The following ZNF236 variants were observed in gnomAD, a reference collection of about 807,000 sequenced individuals.
The protein encoded by ZNF236 is regulated by glucose.
In ZNF236, 50 loss-of-function variants were observed where a neutral mutation model predicts 191.2. That is an observed-to-expected ratio of 0.26 (90% CI 0.21 to 0.33). The LOEUF is 0.33. ZNF236 is among the 10% of genes least tolerant of loss of function. The pLI is 1.00. For synonymous variants in ZNF236, 907 were observed against 928.8 expected (o/e 0.98, Z 0.43); for missense variants, 1,754 against 2,374.5 (o/e 0.74, Z 5.43).
chr18:76,923,309 G>A, intron 21 of ZNF236, 135 bp downstream of exon 21: 1 of 557,874 alleles, frequency 1.8e-6, no homozygotes, highest in African/African-American at 1.9e-5. Context: ...AGAAGGAAGT[G>A]ATATAAAAGA....
chr18:76,948,839 G>T (rs9965457), intron 27 of ZNF236, among the ~76,000 whole-genome samples: 4,748 of 152,304 alleles, frequency 0.031, 241 homozygotes, highest in African/African-American at 0.11. Context: ...AACGGATGCA[G>T]TGGTCCAGGT....
At chr18:76,837,986 A>G (rs1975384333) in intron 1 of ZNF236, among the ~76,000 whole-genome samples, 1 of 152,244 alleles carries the variant, frequency 6.6e-6, no homozygotes, top group South Asian at 2.1e-4. Context: ...TGTATCACTT[A>G]ACGTCACCTC....
chr18:76,913,294 T>C (rs1179515973), intron 17 of ZNF236, among the ~76,000 whole-genome samples: 1 of 152,240 alleles, frequency 6.6e-6, no homozygotes, highest in East Asian at 1.9e-4. Flanking sequence ...CTGTTTTGTA[T>C]TTTGTAAACC....
chr18:76,915,922 C>A, intron 19 of ZNF236, 63 bp downstream of exon 19: 1 of 1,486,264 alleles, frequency 6.7e-7, no homozygotes, highest in Non-Finnish European at 9.3e-7. Flanking sequence ...TAAATCCATT[C>A]ACAAATCACC....
intron 3 of ZNF236, among the ~76,000 whole-genome samples, chr18:76,860,740 C>T (rs1407083643): frequency 3.3e-5 from 5 of 152,330 alleles, no homozygotes; most frequent in East Asian, 1.9e-4. Context: ...CACATTCCTT[C>T]GCTTCTGACT....
At chr18:76,883,482 G>A (rs1683156172) in intron 9 of ZNF236, among the ~76,000 whole-genome samples, 1 of 151,054 alleles carries the variant, frequency 6.6e-6, no homozygotes, top group South Asian at 2.1e-4. Flanking sequence ...AGAGTACAGT[G>A]GTGCAATTAT....
intron 1 of ZNF236, among the ~76,000 whole-genome samples, chr18:76,829,157 C>T (rs567973462): frequency 1.2e-4 from 18 of 152,204 alleles, no homozygotes; most frequent in African/African-American, 4.3e-4. Context: ...ATATTTCAAG[C>T]CTTTATGTTG....
At chr18:76,842,529 C>G (rs1338140230) in intron 1 of ZNF236, among the ~76,000 whole-genome samples, 2 of 151,342 alleles carry the variant, frequency 1.3e-5, no homozygotes, top group African/African-American at 2.4e-5. Context: ...AGGTGGGCAG[C>G]TCAGCTGAGG....
intron 1 of ZNF236, among the ~76,000 whole-genome samples, chr18:76,828,544 C>T (rs1296333882): frequency 6.6e-6 from 1 of 152,240 alleles, no homozygotes; most frequent in African/African-American, 2.4e-5. Context: ...GCAGTCCTTA[C>T]TTGCTTCAGG....
chr18:76,946,655 A>G (rs549411813), intron 26 of ZNF236, among the ~76,000 whole-genome samples: 5 of 152,298 alleles, frequency 3.3e-5, no homozygotes, highest in South Asian at 2.1e-4. Flanking sequence ...TTTGCAGTAG[A>G]TATTCAGACC....
intron 6 of ZNF236, among the ~76,000 whole-genome samples, chr18:76,877,039 T>C (rs575648691): frequency 3.4e-4 from 51 of 152,184 alleles, no homozygotes; most frequent in Non-Finnish European, 6.8e-4. Context: ...AGAATGGAAG[T>C]CTTACTCAAG....
Position 76,959,809 on chromosome 18 carries a change from A to G in ZNF236, c.5235A>G (p.Ile1745Met). Residue 1745 changes from isoleucine (I) to methionine (M), a missense_variant, in exon 29 of 31, where the codon ATA (isoleucine) becomes ATG (methionine). Ile to Met is a conservative substitution (Grantham distance 10). Coordinates refer to ENST00000320610, the MANE Select transcript of ZNF236 (RefSeq NM_001306089.2). ...KPSQLERHSR[I>M]HTGERPFHCT... ...GCCAGCTGGAGCGCCACAGCCGCAT[A>G]CATACAGGTAACGGGGAAGGACGTG... 6.2e-7 allele frequency: 1 copy of G among 1,613,944 alleles called. No homozygotes were observed. The highest frequency in any genetic ancestry group is 8.5e-7 in the Non-Finnish European group (1 of 1,179,918).
intron 21 of ZNF236, among the ~76,000 whole-genome samples, chr18:76,924,053 G>T (rs1165137707): frequency 6.6e-6 from 1 of 152,122 alleles, no homozygotes; most frequent in East Asian, 1.9e-4. Flanking sequence ...TTTACCTGAA[G>T]CCCTGTGATT....
At chr18:76,956,863 C>T (rs1029187944) in intron 28 of ZNF236, among the ~76,000 whole-genome samples, 6 of 152,174 alleles carry the variant, frequency 3.9e-5, no homozygotes, top group Non-Finnish European at 7.3e-5. Context: ...CACAGAGGAG[C>T]GTGCAGCACG....
chr18:76,907,696 CTT>C (rs56268678), intron 13 of ZNF236, among the ~76,000 whole-genome samples: 4 of 141,200 alleles, frequency 2.8e-5, no homozygotes, highest in African/African-American at 7.9e-5. Flanking sequence ...AGATTTTTTT[CTT>C]TTTTTTTTTT....
chr18:76,871,883 G>C, intron 5 of ZNF236, 58 bp downstream of exon 5: 1 of 1,600,466 alleles, frequency 6.2e-7, no homozygotes. Flanking sequence ...AAGAACAGGT[G>C]CCTTTTTGCT....
intron 25 of ZNF236, among the ~76,000 whole-genome samples, chr18:76,932,710 G>A (rs1055774943): frequency 6.6e-5 from 10 of 152,196 alleles, no homozygotes; most frequent in African/African-American, 2.2e-4. Context: ...AACATCCTTA[G>A]TGAGCCCCTG....
At chr18:76,940,072 T>C (rs76421698) in intron 26 of ZNF236, among the ~76,000 whole-genome samples, 4,443 of 29,004 alleles carry the variant, frequency 0.15, 45 homozygotes, top group Middle Eastern at 0.18. Context: ...CCTAGCACTG[T>C]GTTTGGGAAC....
In ZNF236 at chr18:76,909,272, G is replaced by A. The variant is rs946909739; in HGVS notation, c.2551+699G>A. 7.8e-5 allele frequency among the ~76,000 whole-genome samples: 11 copies of A among 140,832 alleles called. No homozygotes were observed. In the East Asian group the frequency reaches 1.0e-3, roughly 13 times the overall value. 92.4% of individuals were successfully genotyped at this position (140,832 alleles called of 152,430 possible). On this transcript the variant is annotated intron_variant, in intron 14 of 30. Coordinates refer to ENST00000320610, the MANE Select transcript of ZNF236 (RefSeq NM_001306089.2). ...GGAGGTTGCAGTGAGCCGAGATGGC[G>A]CCATTGCACTCCAGCCTGGACAACG... is the stretch of plus-strand genomic sequence containing the variant.
Sources: allele counts gnomAD v4.1 joint callset (sites outside exome capture counted in the v4.1 genomes callset), GRCh38; gene constraint gnomAD v4.1.1; transcripts MANE v1.5; gene names NCBI Gene and HGNC (gene_info 2026-07-23, HGNC 2026-07-21).